Variants in UCK2 observed in about 807,000 individuals in gnomAD.
UCK2 encodes the protein cytidine monophosphokinase 2.
UCK2 carries 6 observed loss-of-function variants against 30.8 expected under a neutral mutation model. The ratio of observed to expected loss-of-function variants is 0.19; its 90% CI spans 0.11 to 0.38. UCK2 has a LOEUF of 0.38. UCK2 is among the 10% of genes least tolerant of loss of function. The pLI, the probability that UCK2 is intolerant of heterozygous loss-of-function variation, is 1.00. For synonymous variants in UCK2, 125 were observed against 133.6 expected, an observed-to-expected ratio of 0.94 and a Z score of 0.45; for missense variants, 210 against 339.8, an observed-to-expected ratio of 0.62 and a Z score of 3.00.
chr1:165,841,940 C>T (rs772369260), intron 1 of UCK2, among the ~76,000 whole-genome samples: 3 of 152,098 alleles, frequency 2.0e-5, no homozygotes, highest in Non-Finnish European at 2.9e-5. Flanking sequence ...TGCTAAATAC[C>T]AAGTAAATGC....
At chr1:165,895,472 C>T in intron 3 of UCK2, 2 of 985,296 alleles carry the variant, frequency 2.0e-6, no homozygotes, top group Non-Finnish European at 2.4e-6. Context: ...CTGCCCTAGG[C>T]TACCCAACCA....
In UCK2 at chr1:165,891,293, C is replaced by A. The variant is rs538874834; in HGVS notation, c.327C>A (p.Ile109=). 1 of 1,614,246 alleles carries A rather than the reference C, an allele frequency of 6.2e-7. No homozygotes were observed. The highest frequency in any genetic ancestry group is 1.1e-5 in the South Asian group (1 of 91,084). Reference sequence around the variant, plus strand: ...TCACTGAAGGGAAAACAGTCCAGATCCCCGTGTATGACTTTGTCTCCCATT... The same window carrying A: ...TCACTGAAGGGAAAACAGTCCAGATACCCGTGTATGACTTTGTCTCCCATT... ...KEITEGKTVQ[I]PVYDFVSHSR... Residue 109 remains isoleucine (I), a synonymous_variant, in exon 3 of 7, where the codon ATC becomes ATA. Transcript: ENST00000367879.
At chr1:165,887,293 C>T (rs1655639622) in intron 1 of UCK2, among the ~76,000 whole-genome samples, 1 of 152,174 alleles carries the variant, frequency 6.6e-6, no homozygotes. Context: ...CACAATTAGT[C>T]ATACTGTATC....
rs569246806 is a variant in UCK2 at position 165,841,497 on chromosome 1, T to C, written c.99+13565T>C. Among the ~76,000 whole-genome samples the C allele has an allele frequency of 6.6e-5, 10 of 152,300 alleles. No homozygotes were observed. In the East Asian group the frequency reaches 7.7e-4, roughly 12 times the overall value. On this transcript the variant is annotated intron_variant, in intron 1 of 6. Transcript: ENST00000367879. The stretch of plus-strand genomic sequence containing the variant: ...CACCGCGCCTGGCCTGTACTACTTC[T>C]TTAATCCAGGTCACAAATTGCAGTT...
intron 3 of UCK2, chr1:165,895,725 C>A: frequency 1.1e-6 from 1 of 880,906 alleles, no homozygotes; most frequent in Non-Finnish European, 1.4e-6. Flanking sequence ...TTTCAATTGC[C>A]TCAGGACTGG....
intron 3 of UCK2, 124 bp from the exon 4 acceptor site, chr1:165,896,066 C>G: frequency 7.9e-7 from 1 of 1,266,216 alleles, no homozygotes; most frequent in Non-Finnish European, 1.1e-6. Flanking sequence ...GTCTTTAGCC[C>G]CCGCTTGAAG....
At chr1:165,847,900 C>T (rs752662333) in intron 1 of UCK2, among the ~76,000 whole-genome samples, 1 of 152,074 alleles carries the variant, frequency 6.6e-6, no homozygotes, top group Non-Finnish European at 1.5e-5. Flanking sequence ...GGGGTTTCAC[C>T]ATGTTGGCCA....
rs1452682726 is a variant in UCK2 at position 165,850,631 on chromosome 1, T to G, written c.99+22699T>G. 3.3e-5 allele frequency among the ~76,000 whole-genome samples: 5 copies of G among 150,130 alleles called. 1 individual carries two copies. The highest frequency in any genetic ancestry group is 9.8e-5 in the African/African-American group (4 of 40,880). ...TAATTTTTAAATTTTTTTTTTTTTT[T>G]TTTTTGAGGTGGAGTCTGGTTCTGT... On this transcript the variant is annotated intron_variant, in intron 1 of 6. Transcript: ENST00000367879.
At chr1:165,883,517 C>T (rs1031342800) in intron 1 of UCK2, among the ~76,000 whole-genome samples, 1 of 152,168 alleles carries the variant, frequency 6.6e-6, no homozygotes. Context: ...ACTATTGGTC[C>T]TTGTGCTCCA....
intron 4 of UCK2, among the ~76,000 whole-genome samples, chr1:165,899,527 C>T (rs1647384779): frequency 6.6e-6 from 1 of 152,204 alleles, no homozygotes; most frequent in Admixed American, 6.5e-5. Flanking sequence ...TTGGGTCCCT[C>T]TAAGTTTCTT....
At chr1:165,872,908 T>C (rs1401251859) in intron 1 of UCK2, among the ~76,000 whole-genome samples, 1 of 152,110 alleles carries the variant, frequency 6.6e-6, no homozygotes, top group African/African-American at 2.4e-5. Context: ...GGCTGGGAGA[T>C]AGAGTAGGAA....
chr1:165,854,809 T>C (rs908002355), intron 1 of UCK2, among the ~76,000 whole-genome samples: 9 of 152,268 alleles, frequency 5.9e-5, no homozygotes, highest in African/African-American at 1.9e-4. Flanking sequence ...CCATGAATAC[T>C]ACCTTCCATG....
At chr1:165,862,543 A>G (rs1001725149) in intron 1 of UCK2, among the ~76,000 whole-genome samples, 1 of 152,238 alleles carries the variant, frequency 6.6e-6, no homozygotes, top group African/African-American at 2.4e-5. Flanking sequence ...AAGTATTTCA[A>G]GCACTGCTTT....
At position 165,909,541 on chromosome 1, in the gene UCK2, T is replaced by G. The variant is rs558606593; in HGVS notation, c.*1718T>G. 1 of 152,218 alleles carries G rather than the reference T, an allele frequency of 6.6e-6. No individual in the cohort carries two copies. The highest frequency in any genetic ancestry group is 1.5e-5 in the Non-Finnish European group (1 of 68,046). The allele number at this position is 152,218 out of a possible 1,614,324, so 9.4% of individuals were successfully genotyped here. ...CAGTTTGACTCTAAATCTGTTTTGC[T>G]ATTTTAAAAAGTCAAACCTGGTCCC... On this transcript the variant is annotated 3_prime_UTR_variant, in exon 7 of 7. Transcript: ENST00000367879.
intron 1 of UCK2, 148 bp downstream of exon 1, chr1:165,828,080 C>A: frequency 2.7e-6 from 1 of 364,738 alleles, no homozygotes; most frequent in Non-Finnish European, 3.9e-6. Context: ...GCCGAGTGCG[C>A]CCCGCGCGGC....
chr1:165,861,312 T>C (rs1290793820), intron 1 of UCK2, among the ~76,000 whole-genome samples: 1 of 152,034 alleles, frequency 6.6e-6, no homozygotes, highest in Non-Finnish European at 1.5e-5. Context: ...GCAGCAACTT[T>C]TCATATAATT....
At chr1:165,830,212 C>T (rs1408291927) in intron 1 of UCK2, among the ~76,000 whole-genome samples, 2 of 151,902 alleles carry the variant, frequency 1.3e-5, no homozygotes, top group Non-Finnish European at 2.9e-5. Flanking sequence ...GCCATGTTGC[C>T]AGGCTGATCT....
chr1:165,849,102 A>G lies in UCK2; in HGVS notation c.99+21170A>G, dbSNP rs564653691. 3.3e-5 allele frequency among the ~76,000 whole-genome samples: 5 copies of G among 152,256 alleles called. No homozygotes were observed. The South Asian group carries it at 1.0e-3, about 32-fold the overall frequency. On this transcript the variant is annotated intron_variant, in intron 1 of 6. Transcript: ENST00000367879. ...AACGCCATTTCTTAAAAAATATAGT[A>G]GGGAAGAGCAGAGGTTTCTTAAGAG... is the stretch of plus-strand genomic sequence containing the variant.
Position 165,887,138 on chromosome 1 carries a change from G to C in UCK2, c.100-3066G>C, listed in dbSNP as rs149174712. Among the ~76,000 whole-genome samples, 181 of 152,310 alleles carry C rather than the reference G, an allele frequency of 1.2e-3. 1 individual carries two copies. Among genetic ancestry groups the C allele is most frequent in the Non-Finnish European group, 2.4e-3 (165 of 68,036 alleles). ...GAGAGCACATGTGGCTTCTAAAGGT[G>C]GTCATAATGGAGTGTTTGGCACAGG... On this transcript the variant is annotated intron_variant, in intron 1 of 6. Coordinates refer to ENST00000367879, the MANE Select transcript of UCK2 (RefSeq NM_012474.5).
Sources: gnomAD v4.1 joint callset for allele counts (sites outside exome capture counted in the v4.1 genomes callset) on GRCh38, gnomAD v4.1.1 for gene constraint, MANE v1.5 for transcripts, NCBI Gene and HGNC (gene_info 2026-07-23, HGNC 2026-07-21) for gene names.